Variants in TGFB2 observed in about 807,000 individuals in gnomAD.
TGFB2 encodes transforming growth factor beta 2.
In TGFB2, 13 loss-of-function variants were observed where a neutral mutation model predicts 42.7. The observed-to-expected ratio is 0.30, with a 90% confidence interval of 0.20 to 0.48. The LOEUF (loss-of-function observed/expected upper bound fraction) is 0.48. TGFB2 is among the 20% of genes least tolerant of loss of function. The pLI, the probability that TGFB2 is intolerant of heterozygous loss-of-function variation, is 0.99. For missense variants in TGFB2, 390 were observed against 517.5 expected, an observed-to-expected ratio of 0.75 and a Z score of 2.39; for synonymous variants, 193 against 193.6, an observed-to-expected ratio of 1.00 and a Z score of 0.03.
At chr1:218,373,132 C>G (rs149269977) in intron 1 of TGFB2, among the ~76,000 whole-genome samples, 2 of 152,048 alleles carry the variant, frequency 1.3e-5, no homozygotes, top group African/African-American at 2.4e-5. Context: ...GAGCTGAGAT[C>G]GCGCCACTGC....
chr1:218,377,086 A>G (rs944471720), intron 1 of TGFB2, among the ~76,000 whole-genome samples: 8 of 151,974 alleles, frequency 5.3e-5, no homozygotes, highest in African/African-American at 1.9e-4. Context: ...TTTTATAGAG[A>G]TGAGGTCTCA....
At chr1:218,436,383 A>G (rs1296010566) in intron 5 of TGFB2, among the ~76,000 whole-genome samples, 1 of 152,132 alleles carries the variant, frequency 6.6e-6, no homozygotes, top group Non-Finnish European at 1.5e-5. Flanking sequence ...TTTCCCCAAA[A>G]TTCCTCTGAA....
chr1:218,388,375 C>A (rs1015303097), intron 1 of TGFB2, among the ~76,000 whole-genome samples: 103 of 152,286 alleles, frequency 6.8e-4, no homozygotes, highest in African/African-American at 2.5e-3. Context: ...AACTACTGGG[C>A]AATTATGGAT....
intron 6 of TGFB2, 60 bp from the exon 7 acceptor site, chr1:218,441,144 C>G: frequency 6.7e-7 from 1 of 1,496,644 alleles, no homozygotes. Context: ...TTTTTAAAAA[C>G]GAATTGCGTT....
At position 218,436,110 on chromosome 1, in the gene TGFB2, C is replaced by A. The variant is rs863223792; in HGVS notation, c.895C>A (p.Arg299=). The A allele has an allele frequency of 6.2e-7, 1 of 1,613,628 alleles. No individual in the cohort carries two copies. Residue 299 remains arginine (R), a synonymous_variant, in exon 5 of 7, where the codon CGG becomes AGG. Transcript: ENST00000366930. ...YRLESQQTNR[R]KKRALDAAYC... ...ACTTGAGTCACAACAGACCAACCGG[C>A]GGAAGAAGCGTGCTTTGGATGCGGC...
At chr1:218,383,458 G>A (rs780352795) in intron 1 of TGFB2, among the ~76,000 whole-genome samples, 1 of 151,850 alleles carries the variant, frequency 6.6e-6, no homozygotes, top group Non-Finnish European at 1.5e-5. Flanking sequence ...TAATAGGGCT[G>A]CTAATTTGCC....
chr1:218,419,930 C>A (rs1188714134), intron 2 of TGFB2, among the ~76,000 whole-genome samples: 2 of 152,090 alleles, frequency 1.3e-5, no homozygotes, highest in African/African-American at 2.4e-5. Context: ...AAAACAAGCT[C>A]TTTATTTATT....
At chr1:218,436,355 A>C (rs1304225081) in intron 5 of TGFB2, among the ~76,000 whole-genome samples, 1 of 152,148 alleles carries the variant, frequency 6.6e-6, no homozygotes, top group Non-Finnish European at 1.5e-5. Flanking sequence ...GAAGGGAGAA[A>C]ACTAACCCCC....
chr1:218,438,952 C>T (rs889247754), intron 6 of TGFB2, among the ~76,000 whole-genome samples: 6 of 151,794 alleles, frequency 4.0e-5, no homozygotes, highest in African/African-American at 1.5e-4. Context: ...ACTAAAAATA[C>T]AAAAAAATTA....
At chr1:218,386,136 A>G (rs1270856641) in intron 1 of TGFB2, among the ~76,000 whole-genome samples, 2 of 152,172 alleles carry the variant, frequency 1.3e-5, no homozygotes, top group African/African-American at 4.8e-5. Context: ...TACAGAACAA[A>G]TCTTTATCAG....
chr1:218,439,640 T>A (rs1043603849), intron 6 of TGFB2, among the ~76,000 whole-genome samples: 2 of 152,114 alleles, frequency 1.3e-5, no homozygotes, highest in African/African-American at 4.8e-5. Context: ...TGCTTGGCCA[T>A]GTGAGGGAAG....
At chr1:218,372,134 C>A (rs972296630) in intron 1 of TGFB2, among the ~76,000 whole-genome samples, 1 of 152,054 alleles carries the variant, frequency 6.6e-6, no homozygotes, top group South Asian at 2.1e-4. Context: ...TTCCAGCCTG[C>A]TCTCGGGGTC....
At chr1:218,427,372 A>G (rs142107073) in intron 2 of TGFB2, among the ~76,000 whole-genome samples, 201 of 151,976 alleles carry the variant, frequency 1.3e-3, no homozygotes, top group African/African-American at 4.6e-3. Context: ...TCTAGGGTAC[A>G]TGTGCACAAT....
chr1:218,410,530 C>T (rs1279959102), intron 2 of TGFB2, among the ~76,000 whole-genome samples: 1 of 152,158 alleles, frequency 6.6e-6, no homozygotes, highest in Non-Finnish European at 1.5e-5. Flanking sequence ...TAAATAGCAT[C>T]TACTGGTGTG....
chr1:218,405,558 G>A (rs976461737), intron 2 of TGFB2: 8 of 645,432 alleles, frequency 1.2e-5, no homozygotes, highest in African/African-American at 3.6e-5. Context: ...TTTTAGATAC[G>A]AGGTCTCACC....
At chr1:218,432,117 T>C (rs1659826060) in intron 2 of TGFB2, among the ~76,000 whole-genome samples, 1 of 152,314 alleles carries the variant, frequency 6.6e-6, no homozygotes, top group East Asian at 1.9e-4. Context: ...GGAAAATGAC[T>C]CGGGATTGAG....
Position 218,361,148 on chromosome 1 carries a change from C to T in TGFB2, c.346+14101C>T, listed in dbSNP as rs1270588950. On this transcript the variant is annotated intron_variant, in intron 1 of 6. Coordinates refer to ENST00000366930, the MANE Select transcript of TGFB2 (RefSeq NM_003238.6). ...GATTATAGGCGTGAGCCACCGCGCC[C>T]GGCCTGAAAACTGATTATTTTAAAA... Among the ~76,000 whole-genome samples, 70 of 152,176 alleles carry T rather than the reference C, an allele frequency of 4.6e-4. 1 individual carries two copies. Among genetic ancestry groups the T allele is most frequent in the Admixed American group, 4.6e-3 (70 of 15,284 alleles).
intron 1 of TGFB2, among the ~76,000 whole-genome samples, chr1:218,374,509 T>G (rs1275830568): frequency 6.6e-6 from 1 of 152,222 alleles, no homozygotes; most frequent in Non-Finnish European, 1.5e-5. Flanking sequence ...GACCAACTCC[T>G]AATTGCCTAC....
intron 2 of TGFB2, among the ~76,000 whole-genome samples, chr1:218,412,771 G>T (rs190568090): frequency 6.6e-6 from 1 of 152,294 alleles, no homozygotes; most frequent in African/African-American, 2.4e-5. Context: ...GATTCCTCCA[G>T]TGGGAAGAGC....
Sources: allele counts gnomAD v4.1 joint callset (sites outside exome capture counted in the v4.1 genomes callset), GRCh38; gene constraint gnomAD v4.1.1; transcripts MANE v1.5; gene names NCBI Gene and HGNC (gene_info 2026-07-23, HGNC 2026-07-21).